MACROD2: variants seen among roughly 807,000 people sequenced by gnomAD.
MACROD2 encodes ADP-ribose glycohydrolase MACROD2.
Under a neutral mutation model 70.4 loss-of-function variants are expected in MACROD2, and 36 were observed. That is an observed-to-expected ratio of 0.51 (90% CI 0.39 to 0.68). The LOEUF is 0.68. Among genes scored for constraint, MACROD2 ranks in the 30% least tolerant of loss-of-function variants. The pLI, the probability that MACROD2 is intolerant of heterozygous loss-of-function variation, is 0.00. For synonymous variants in MACROD2, 172 were observed against 178.8 expected (o/e 0.96, Z 0.30); for missense variants, 496 against 538.4 (o/e 0.92, Z 0.78).
At chr20:14,424,907 A>G (rs1466762429) in intron 3 of MACROD2, among the ~76,000 whole-genome samples, 3 of 152,226 alleles carry the variant, frequency 2.0e-5, no homozygotes, top group African/African-American at 4.8e-5. Context: ...TGAAAGTCCA[A>G]GTAAAGAGCG....
At chr20:14,051,955 G>C (rs774329165) in intron 2 of MACROD2, 1 of 515,828 alleles carries the variant, frequency 1.9e-6, no homozygotes, top group Admixed American at 2.0e-5. Flanking sequence ...AGTGGTGGAG[G>C]ATGGCATGGG....
intron 5 of MACROD2, among the ~76,000 whole-genome samples, chr20:14,970,015 C>G (rs2074676104): frequency 6.6e-6 from 1 of 152,032 alleles, no homozygotes; most frequent in Non-Finnish European, 1.5e-5. Flanking sequence ...TGTATTAGTC[C>G]ATTCTCACGC....
rs932924654 is a variant in MACROD2 at position 14,711,854 on chromosome 20, G to C, written c.418+26895G>C. Among the ~76,000 whole-genome samples the C allele has an allele frequency of 7.2e-5, 11 of 152,250 alleles. 1 individual carries two copies. The South Asian group carries it at 2.1e-3, about 29-fold the overall frequency. Reference sequence around the variant, plus strand: ...TTTATCTCTGTAAGAGAATAGTTTTGAGTTTGGCACTTAGTCTGTTTCTTT... The same window carrying C: ...TTTATCTCTGTAAGAGAATAGTTTTCAGTTTGGCACTTAGTCTGTTTCTTT... On this transcript the variant is annotated intron_variant, in intron 5 of 17. Coordinates refer to ENST00000684519, the MANE Select transcript of MACROD2 (RefSeq NM_001351661.2).
chr20:15,655,376 T>C (rs1475535354), intron 8 of MACROD2, among the ~76,000 whole-genome samples: 1 of 151,652 alleles, frequency 6.6e-6, no homozygotes, highest in African/African-American at 2.4e-5. Flanking sequence ...CGATAGAATA[T>C]GTGTGTGTCA....
intron 6 of MACROD2, among the ~76,000 whole-genome samples, chr20:15,249,146 G>A (rs755589415): frequency 6.6e-6 from 1 of 152,134 alleles, no homozygotes; most frequent in Non-Finnish European, 1.5e-5. Context: ...AACCCCTGTC[G>A]CCTCCTTGTT....
chr20:14,739,113 A>C (rs2071702893), intron 5 of MACROD2, among the ~76,000 whole-genome samples: 1 of 152,070 alleles, frequency 6.6e-6, no homozygotes, highest in Admixed American at 6.5e-5. Context: ...AGGACTTTAA[A>C]TTGGTATAGC....
chr20:15,771,328 C>T (rs1339244740), intron 8 of MACROD2, among the ~76,000 whole-genome samples: 1 of 149,132 alleles, frequency 6.7e-6, no homozygotes, highest in Non-Finnish European at 1.5e-5. Flanking sequence ...GCACACACCA[C>T]CACACCTGGC....
At chr20:15,745,684 T>C (rs180830459) in intron 8 of MACROD2, among the ~76,000 whole-genome samples, 1 of 152,300 alleles carries the variant, frequency 6.6e-6, no homozygotes, top group African/African-American at 2.4e-5. Context: ...TTCCCCTATA[T>C]TGTCGTCTAA....
chr20:15,471,209 A>G (rs767771947), intron 7 of MACROD2, among the ~76,000 whole-genome samples: 3 of 152,108 alleles, frequency 2.0e-5, no homozygotes, highest in Non-Finnish European at 2.9e-5. Flanking sequence ...CCCATCACAC[A>G]TGCTCTCCTT....
intron 5 of MACROD2, among the ~76,000 whole-genome samples, chr20:15,166,705 G>T (rs1451966424): frequency 6.6e-6 from 1 of 151,442 alleles, no homozygotes; most frequent in African/African-American, 2.4e-5. Flanking sequence ...TAGATTAAGG[G>T]TATTTATTTA....
At chr20:15,157,271 T>G (rs944633450) in intron 5 of MACROD2, among the ~76,000 whole-genome samples, 2 of 151,806 alleles carry the variant, frequency 1.3e-5, no homozygotes, top group African/African-American at 4.8e-5. Flanking sequence ...TTTTCTCTGA[T>G]GCATGCTCTC....
At chr20:15,793,363 C>T (rs1021731576) in intron 8 of MACROD2, among the ~76,000 whole-genome samples, 2 of 152,088 alleles carry the variant, frequency 1.3e-5, no homozygotes, top group African/African-American at 2.4e-5. Context: ...TGCCTCTGTT[C>T]CAGGCACCAC....
chr20:15,463,453 T>C (rs757069096), intron 7 of MACROD2, among the ~76,000 whole-genome samples: 15 of 152,206 alleles, frequency 9.9e-5, no homozygotes, highest in African/African-American at 1.9e-4. Context: ...AGAAGTCAGT[T>C]AAAATATACT....
rs556483988 is a variant in MACROD2 at position 14,544,508 on chromosome 20, G to T, written c.301+51000G>T. Among the ~76,000 whole-genome samples, 9 of 152,078 alleles carry T rather than the reference G, an allele frequency of 5.9e-5. No homozygotes were observed. The East Asian group carries it at 1.5e-3, about 26-fold the overall frequency. ...AATTTTAGTAGAATAATGAGTAAAAGTTTCGAGTCCATATGGTAGGAACCC... is the reference window on the plus strand; with the variant it reads ...AATTTTAGTAGAATAATGAGTAAAATTTTCGAGTCCATATGGTAGGAACCC... On this transcript the variant is annotated intron_variant, in intron 4 of 17. Coordinates refer to ENST00000684519, the MANE Select transcript of MACROD2 (RefSeq NM_001351661.2).
At chr20:14,842,119 C>A (rs974333127) in intron 5 of MACROD2, among the ~76,000 whole-genome samples, 4 of 152,084 alleles carry the variant, frequency 2.6e-5, no homozygotes, top group African/African-American at 9.7e-5. Context: ...TGCATCATGG[C>A]ATGATTGAAG....
At chr20:15,785,849 AAG>A (rs1281854667) in intron 8 of MACROD2, among the ~76,000 whole-genome samples, 1 of 152,210 alleles carries the variant, frequency 6.6e-6, no homozygotes, top group African/African-American at 2.4e-5. Context: ...TTGAAAAAAT[AAG>A]AGAAATTAAA....
chr20:14,005,748 G>A (rs1010657206), intron 2 of MACROD2, among the ~76,000 whole-genome samples: 8 of 151,996 alleles, frequency 5.3e-5, no homozygotes, highest in African/African-American at 7.2e-5. Flanking sequence ...TTATAGATGC[G>A]TGCCACCACG....
intron 8 of MACROD2, among the ~76,000 whole-genome samples, chr20:15,852,610 T>C (rs1302185933): frequency 6.6e-6 from 1 of 152,184 alleles, no homozygotes; most frequent in African/African-American, 2.4e-5. Flanking sequence ...CGGTGACATT[T>C]GACAAAGATA....
rs1468175996 is a variant in MACROD2 at position 15,772,099 on chromosome 20, AAAATAT to A, written c.646-90644_646-90639del. Among the ~76,000 whole-genome samples the A allele has an allele frequency of 6.2e-3, 563 of 91,238 alleles. 3 individuals carry two copies. The highest frequency in any genetic ancestry group is 0.03 in the African/African-American group (534 of 17,712). The allele number at this position is 91,238 out of a possible 152,430, so 59.9% of individuals were successfully genotyped here. ...GACTCGGTCTCAAAAAAAAAAAAAAAAAATATATATATATATATATATATATATATT... is the reference window on the plus strand; with the variant it reads ...GACTCGGTCTCAAAAAAAAAAAAAAAATATATATATATATATATATATATT... On this transcript the variant is annotated intron_variant, in intron 8 of 17. Transcript: ENST00000684519.
Sources: gnomAD v4.1 joint callset for allele counts (sites outside exome capture counted in the v4.1 genomes callset) on GRCh38, gnomAD v4.1.1 for gene constraint, MANE v1.5 for transcripts, NCBI Gene and HGNC (gene_info 2026-07-23, HGNC 2026-07-21) for gene names.